Variants in MNAT1 observed in about 807,000 individuals in gnomAD.
MNAT1 encodes the protein CDK-activating kinase assembly factor MAT1.
Under a neutral mutation model 42.0 loss-of-function variants are expected in MNAT1, and 43 were observed. The observed-to-expected ratio is 1.02, with a 90% CI of 0.80 to 1.32. The LOEUF (loss-of-function observed/expected upper bound fraction) is 1.32. Among genes scored for constraint, MNAT1 ranks in the 40% most tolerant of loss-of-function variants. The pLI is 0.00. For missense variants in MNAT1, 306 were observed against 350.4 expected (o/e 0.87, Z 1.01); for synonymous variants, 118 against 120.0 (o/e 0.98, Z 0.11).
chr14:60,768,151 T>C (rs1209247882), intron 1 of MNAT1, among the ~76,000 whole-genome samples: 2 of 152,212 alleles, frequency 1.3e-5, no homozygotes, highest in Non-Finnish European at 2.9e-5. Flanking sequence ...TCCACCTGCT[T>C]CGACCTCCCA....
chr14:60,805,814 A>G (rs1053456647), intron 3 of MNAT1, among the ~76,000 whole-genome samples: 4 of 152,204 alleles, frequency 2.6e-5, no homozygotes, highest in Non-Finnish European at 4.4e-5. Flanking sequence ...AGTTTTGGCA[A>G]TGATTAATAA....
intron 7 of MNAT1, among the ~76,000 whole-genome samples, chr14:60,944,391 C>T (rs2036233284): frequency 1.3e-5 from 2 of 152,122 alleles, no homozygotes; most frequent in African/African-American, 4.8e-5. Flanking sequence ...GAACAGCTAC[C>T]AGAGAACAAA....
At chr14:60,950,482 A>G (rs1488148249) in intron 7 of MNAT1, among the ~76,000 whole-genome samples, 2 of 152,218 alleles carry the variant, frequency 1.3e-5, no homozygotes, top group Non-Finnish European at 2.9e-5. Flanking sequence ...CCAGTGACTG[A>G]TATATACTCT....
At chr14:60,736,170 T>C (rs1412317793) in intron 1 of MNAT1, among the ~76,000 whole-genome samples, 1 of 152,178 alleles carries the variant, frequency 6.6e-6, no homozygotes, top group Non-Finnish European at 1.5e-5. Flanking sequence ...TCAAGAAGAA[T>C]GCATGGAAAA....
At chr14:60,884,795 G>T (rs2034625366) in intron 7 of MNAT1, among the ~76,000 whole-genome samples, 1 of 151,920 alleles carries the variant, frequency 6.6e-6, no homozygotes, top group Non-Finnish European at 1.5e-5. Flanking sequence ...AGTGAATTTT[G>T]TACCTTCAGG....
At chr14:60,833,440 T>C (rs984077842) in intron 6 of MNAT1, among the ~76,000 whole-genome samples, 6 of 152,222 alleles carry the variant, frequency 3.9e-5, no homozygotes, top group Non-Finnish European at 5.9e-5. Flanking sequence ...GAAAATCATG[T>C]GTTTTTTGTC....
In MNAT1 at chr14:60,900,099, T is replaced by C. The variant is rs535368411; in HGVS notation, c.809+20264T>C. ...CTCTCTCTCTTACCTTGGACTTCCCTATTCCCTGAGATGCAGCAATATTGA... is the reference window on the plus strand; with the variant it reads ...CTCTCTCTCTTACCTTGGACTTCCCCATTCCCTGAGATGCAGCAATATTGA... On this transcript the variant is annotated intron_variant, in intron 7 of 7. Transcript: ENST00000261245. Among the ~76,000 whole-genome samples, 72 of 150,090 alleles carry C rather than the reference T, an allele frequency of 4.8e-4. No homozygotes were observed. In the South Asian group the frequency reaches 0.015, roughly 31 times the overall value.
At chr14:60,739,698 A>AT (rs892678421) in intron 1 of MNAT1, among the ~76,000 whole-genome samples, 63 of 152,238 alleles carry the variant, frequency 4.1e-4, no homozygotes, top group African/African-American at 1.5e-3. Context: ...TCTTTTTTTA[A>AT]TTTTTTCTGT....
At chr14:60,756,913 A>T (rs1057299420) in intron 1 of MNAT1, among the ~76,000 whole-genome samples, 1 of 152,166 alleles carries the variant, frequency 6.6e-6, no homozygotes, top group African/African-American at 2.4e-5. Context: ...CTTCCAGTTT[A>T]AGTAGTAGCC....
At chr14:60,907,169 C>T (rs759501233) in intron 7 of MNAT1, among the ~76,000 whole-genome samples, 5 of 152,092 alleles carry the variant, frequency 3.3e-5, no homozygotes, top group South Asian at 2.1e-4. Flanking sequence ...CAGCTGGACA[C>T]GGTGGTTCAC....
chr14:60,894,387 T>C (rs1340459229), intron 7 of MNAT1, among the ~76,000 whole-genome samples: 1 of 152,104 alleles, frequency 6.6e-6, no homozygotes, highest in Non-Finnish European at 1.5e-5. Flanking sequence ...TTTTTAGTCT[T>C]CTATGGTGGT....
chr14:60,823,395 A>G (rs1351667668), intron 6 of MNAT1, among the ~76,000 whole-genome samples: 2 of 152,180 alleles, frequency 1.3e-5, no homozygotes, highest in Admixed American at 6.5e-5. Flanking sequence ...GTTTGTTTGT[A>G]ATAATGTTTA....
intron 7 of MNAT1, among the ~76,000 whole-genome samples, chr14:60,942,509 A>G (rs2139591896): frequency 6.7e-6 from 1 of 148,900 alleles, no homozygotes; most frequent in Middle Eastern, 3.5e-3. Context: ...TTCATATAGT[A>G]ATCTCGCGGT....
chr14:60,935,285 C>A (rs779849381), intron 7 of MNAT1, among the ~76,000 whole-genome samples: 1 of 148,584 alleles, frequency 6.7e-6, no homozygotes, highest in Non-Finnish European at 1.5e-5. Flanking sequence ...TTTCTTTCTT[C>A]CTCCCTCCCT....
intron 7 of MNAT1, among the ~76,000 whole-genome samples, chr14:60,890,463 G>A (rs1238524789): frequency 6.6e-6 from 1 of 152,098 alleles, no homozygotes; most frequent in Non-Finnish European, 1.5e-5. Context: ...ATATATGAAG[G>A]GGAGTTTATT....
intron 6 of MNAT1, among the ~76,000 whole-genome samples, chr14:60,842,808 C>T (rs1287399248): frequency 6.6e-6 from 1 of 152,104 alleles, no homozygotes; most frequent in African/African-American, 2.4e-5. Flanking sequence ...TATACCTAAC[C>T]TGCTGAACAT....
chr14:60,790,714 GA>G (rs1254351684), intron 1 of MNAT1, among the ~76,000 whole-genome samples: 1 of 152,158 alleles, frequency 6.6e-6, no homozygotes, highest in East Asian at 1.9e-4. Flanking sequence ...TCCTGTCTCA[GA>G]AATATGGGAT....
chr14:60,909,174 G>C (rs1422840752), intron 7 of MNAT1, among the ~76,000 whole-genome samples: 1 of 151,974 alleles, frequency 6.6e-6, no homozygotes, highest in South Asian at 2.1e-4. Flanking sequence ...GGGGTTTTTT[G>C]TTTTTTTCTT....
At chr14:60,826,307 A>ATTTT (rs60838198) in intron 6 of MNAT1, among the ~76,000 whole-genome samples, 32 of 119,756 alleles carry the variant, frequency 2.7e-4, no homozygotes, top group East Asian at 2.1e-3. Context: ...AATAGGAGAA[A>ATTTT]TTTTTTTTTT....
Sources: allele counts gnomAD v4.1 joint callset (sites outside exome capture counted in the v4.1 genomes callset), GRCh38; gene constraint gnomAD v4.1.1; transcripts MANE v1.5; gene names NCBI Gene and HGNC (gene_info 2026-07-23, HGNC 2026-07-21).